CPA6: variants seen among roughly 807,000 people sequenced by gnomAD.
CPA6 encodes carboxypeptidase A6, also known as carboxypeptidase B.
In CPA6, 58 loss-of-function variants were observed where a neutral mutation model predicts 63.3. The observed-to-expected ratio is 0.92, with a 90% CI of 0.74 to 1.14. The LOEUF (loss-of-function observed/expected upper bound fraction) is 1.14, where lower values mean the gene tolerates loss of function less well. Among genes scored for constraint, CPA6 ranks in the 50% most tolerant of loss-of-function variants. The pLI is 0.00. For missense variants in CPA6, 565 were observed against 526.6 expected (o/e 1.07, Z -0.71); for synonymous variants, 185 against 179.0 (o/e 1.03, Z -0.27).
intron 2 of CPA6, among the ~76,000 whole-genome samples, chr8:67,600,209 A>G (rs1303389049): frequency 6.6e-6 from 1 of 152,112 alleles, no homozygotes; most frequent in Non-Finnish European, 1.5e-5. Flanking sequence ...TCTTAAGAGC[A>G]TCAGGAATCA....
intron 2 of CPA6, among the ~76,000 whole-genome samples, chr8:67,521,303 G>A (rs1262695081): frequency 5.3e-5 from 8 of 152,256 alleles, no homozygotes; most frequent in Non-Finnish European, 1.0e-4. Context: ...AGGTATTTCA[G>A]TGTCTTGCTC....
Position 67,642,044 on chromosome 8 carries a change from G to A in CPA6, c.117-17793C>T, listed in dbSNP as rs533858225. ...AAATTTGATTAAAGGACATTAGGTC[G>A]GGCATGGTGGCTCACACCTGTAATC... On this transcript the variant is annotated intron_variant, in intron 1 of 10. Transcript: ENST00000297770. Among the ~76,000 whole-genome samples, 22 of 152,238 alleles carry A rather than the reference G, an allele frequency of 1.4e-4. No individual in the cohort carries two copies. The South Asian group carries it at 2.5e-3, about 17-fold the overall frequency.
chr8:67,506,799 C>G lies in CPA6; in HGVS notation c.624G>C (p.Trp208Cys). The G allele has an allele frequency of 6.2e-7, 1 of 1,609,972 alleles. No homozygotes were observed. The highest frequency in any genetic ancestry group is 8.5e-7 in the Non-Finnish European group (1 of 1,176,368). ...GGGTTTAACTTACTTCTTTTACAAA[C>G]CACTGACAAAAGGCAGGACCAATCC... ...REWIGPAFCQ[W>C]FVKEALLTYK... Residue 208 changes from tryptophan to cysteine, a missense_variant, in exon 6 of 11, where the codon TGG (tryptophan) becomes TGC (cysteine). By Grantham distance (215) the Trp-to-Cys change is radical (BLOSUM62 -2). Coordinates refer to ENST00000297770, the MANE Select transcript of CPA6 (RefSeq NM_020361.5).
At chr8:67,625,190 C>T (rs1317457234) in intron 1 of CPA6, among the ~76,000 whole-genome samples, 1 of 151,962 alleles carries the variant, frequency 6.6e-6, no homozygotes, top group Non-Finnish European at 1.5e-5. Flanking sequence ...TTTTGATAGG[C>T]CTGAAGGTCA....
At position 67,607,169 on chromosome 8, in the gene CPA6, C is replaced by T. The variant is rs10103594; in HGVS notation, c.192+17007G>A. On this transcript the variant is annotated intron_variant, in intron 2 of 10. Coordinates refer to ENST00000297770, the MANE Select transcript of CPA6 (RefSeq NM_020361.5). Reference sequence around the variant, plus strand: ...CCCCCCCCTCCTCTTCTTCTTCTTCCTCTTCTTCTTCTTCTTCTTCTTCTT... The same window carrying T: ...CCCCCCCCTCCTCTTCTTCTTCTTCTTCTTCTTCTTCTTCTTCTTCTTCTT... Among the ~76,000 whole-genome samples the T allele has an allele frequency of 7.7e-4, 22 of 28,396 alleles. 1 individual carries two copies. The highest frequency in any genetic ancestry group is 5.6e-3 in the East Asian group (4 of 710). The allele number at this position is 28,396 out of a possible 152,430, so 18.6% of individuals were successfully genotyped here. A position where few individuals can be genotyped will look rare whatever the true frequency, so the allele number is the denominator to read the frequency against.
At chr8:67,664,607 T>G (rs1356228810) in intron 1 of CPA6, among the ~76,000 whole-genome samples, 1 of 152,150 alleles carries the variant, frequency 6.6e-6, no homozygotes, top group Non-Finnish European at 1.5e-5. Context: ...TGCCTTTTTT[T>G]TCTTTTTCTT....
intron 3 of CPA6, among the ~76,000 whole-genome samples, chr8:67,513,886 T>C (rs1587509581): frequency 6.6e-6 from 1 of 152,156 alleles, no homozygotes. Flanking sequence ...TTCTAAACTT[T>C]CTGAGTGATG....
At chr8:67,592,631 G>A (rs1165796416) in intron 2 of CPA6, among the ~76,000 whole-genome samples, 34 of 151,796 alleles carry the variant, frequency 2.2e-4, no homozygotes, top group African/African-American at 7.3e-4. Context: ...TGTATGTGTC[G>A]AGGAATTTAT....
chr8:67,463,972 T>C (rs926907570), intron 8 of CPA6, among the ~76,000 whole-genome samples: 1 of 152,248 alleles, frequency 6.6e-6, no homozygotes, highest in Non-Finnish European at 1.5e-5. Flanking sequence ...AGTGCTTCAA[T>C]GAACACGCGA....
intron 1 of CPA6, among the ~76,000 whole-genome samples, chr8:67,630,504 G>A (rs531651293): frequency 3.9e-5 from 6 of 152,296 alleles, no homozygotes; most frequent in South Asian, 2.1e-4. Flanking sequence ...GTTATTCTAG[G>A]ACCTGCTGTA....
chr8:67,605,923 C>T (rs1487973192), intron 2 of CPA6, among the ~76,000 whole-genome samples: 2 of 151,936 alleles, frequency 1.3e-5, no homozygotes, highest in African/African-American at 4.8e-5. Context: ...AAGCCTTGGA[C>T]CATAGGGGGA....
intron 1 of CPA6, among the ~76,000 whole-genome samples, chr8:67,637,664 GTTAGGTAC>G (rs1815500019): frequency 6.6e-6 from 1 of 151,490 alleles, no homozygotes; most frequent in African/African-American, 2.5e-5. Context: ...GTATAATCTA[GTTAGGTAC>G]ATAAGACAAA....
At chr8:67,718,923 G>T (rs1354806102) in intron 1 of CPA6, among the ~76,000 whole-genome samples, 2 of 152,132 alleles carry the variant, frequency 1.3e-5, no homozygotes, top group African/African-American at 4.8e-5. Flanking sequence ...GGGATTACAG[G>T]CATGAGCCAC....
chr8:67,481,713 G>A (rs147264571), intron 8 of CPA6, among the ~76,000 whole-genome samples: 196 of 152,280 alleles, frequency 1.3e-3, no homozygotes, highest in African/African-American at 4.3e-3. Context: ...GTTCACTTTA[G>A]GGAATTTCAT....
intron 1 of CPA6, among the ~76,000 whole-genome samples, chr8:67,655,526 CTT>C (rs1227537516): frequency 6.6e-6 from 1 of 152,164 alleles, no homozygotes; most frequent in East Asian, 1.9e-4. Context: ...CATTTAAAGT[CTT>C]TACTCAAAAC....
At chr8:67,446,127 G>A (rs1168810178) in intron 8 of CPA6, among the ~76,000 whole-genome samples, 5 of 151,990 alleles carry the variant, frequency 3.3e-5, no homozygotes, top group Non-Finnish European at 5.9e-5. Flanking sequence ...TTAGCCGGGC[G>A]TGGTGGCAGG....
At chr8:67,715,091 G>GT (rs896515363) in intron 1 of CPA6, among the ~76,000 whole-genome samples, 10 of 150,640 alleles carry the variant, frequency 6.6e-5, no homozygotes, top group East Asian at 3.9e-4. Flanking sequence ...TGTGGTTTTT[G>GT]TTTTTTTTTC....
rs1043963846 is a variant in CPA6, at chr8:67,483,854, C to T, written c.752G>A (p.Arg251Gln). The T allele has an allele frequency of 1.2e-6, 2 of 1,613,140 alleles. No homozygotes were observed. The highest frequency in any genetic ancestry group is 1.7e-6 in the Non-Finnish European group (2 of 1,179,124). Residue 251 changes from arginine (R) to glutamine (Q), a missense_variant, in exon 8 of 11, where the codon CGA (arginine) becomes CAA (glutamine). Physicochemically the swap from Arg to Gln is conservative, Grantham distance 43. Coordinates refer to ENST00000297770, the MANE Select transcript of CPA6 (RefSeq NM_020361.5). ...DGYHFSWTND[R>Q]FWRKTRSRNS... ...CCTTGACCTTGTTTTTCTCCAAAAT[C>T]GATCCTAGACATAATTAAGAAAACA...
chr8:67,736,729 A>G lies in CPA6; in HGVS notation c.116+9285T>C, dbSNP rs572176413. Among the ~76,000 whole-genome samples the G allele has an allele frequency of 2.6e-5, 4 of 152,316 alleles. No homozygotes were observed. In the South Asian group the frequency reaches 8.3e-4, roughly 32 times the overall value. ...CACATCAGTTTCTGGAATCTATTTC[A>G]TAGCCTAGAGGTCTCTCTTGAGCTT... On this transcript the variant is annotated intron_variant, in intron 1 of 10. Coordinates refer to ENST00000297770, the MANE Select transcript of CPA6 (RefSeq NM_020361.5).
Sources: allele counts gnomAD v4.1 joint callset (sites outside exome capture counted in the v4.1 genomes callset), GRCh38; gene constraint gnomAD v4.1.1; transcripts MANE v1.5; gene names NCBI Gene and HGNC (gene_info 2026-07-23, HGNC 2026-07-21).